DPRX: variants seen among roughly 807,000 people sequenced by gnomAD.
DPRX encodes the protein divergent paired-related homeobox.
DPRX carries 11 observed loss-of-function variants against 8.4 expected under a neutral mutation model. That is an observed-to-expected ratio of 1.31 (90% CI 0.82 to 2.17). The LOEUF (loss-of-function observed/expected upper bound fraction) is 2.17. Among genes scored for constraint, DPRX ranks in the 30% most tolerant of loss-of-function variants. The probability of loss-of-function intolerance (pLI) is 0.00; values close to 1 mark genes in which losing one functional copy is unlikely to be tolerated. For synonymous variants in DPRX, 72 were observed against 87.0 expected, an observed-to-expected ratio of 0.83 and a Z score of 0.96; for missense variants, 211 against 236.7, an observed-to-expected ratio of 0.89 and a Z score of 0.71.
At chr19:53,619,755 A>G in the DPRX span, among the ~76,000 whole-genome samples, 1 of 150,264 alleles carries the variant, frequency 6.7e-6, no homozygotes, top group African/African-American at 2.4e-5. Context: ...CTCAGGAGGC[A>G]AAGGCAGGAG....
chr19:53,633,157 A>G (rs959811195), intron 1 of DPRX, among the ~76,000 whole-genome samples: 1 of 152,078 alleles, frequency 6.6e-6, no homozygotes, highest in East Asian at 1.9e-4. Context: ...TTAGCCGGGC[A>G]TGTCAGTGTT....
upstream of DPRX, chr19:53,632,016 GT>G: frequency 6.4e-7 from 1 of 1,574,096 alleles, no homozygotes; most frequent in African/African-American, 1.3e-5. Context: ...GGAGTCGGGT[GT>G]GGCTGTGGAG....
At chr19:53,625,193 G>A in the DPRX span, among the ~76,000 whole-genome samples, 4,832 of 151,196 alleles carry the variant, frequency 0.032, 115 homozygotes, top group South Asian at 0.049. Flanking sequence ...TAGGACTATA[G>A]GTGCATGCCT....
chr19:53,603,019 A>G, the DPRX span, among the ~76,000 whole-genome samples: 33,655 of 147,456 alleles, frequency 0.23, 3,839 homozygotes, highest in South Asian at 0.33. Flanking sequence ...GTGTGTGTGT[A>G]TATATGTGTG....
At chr19:53,617,875 C>T in the DPRX span, among the ~76,000 whole-genome samples, 2 of 151,972 alleles carry the variant, frequency 1.3e-5, no homozygotes, top group Non-Finnish European at 2.9e-5. Context: ...CGCGGTGGCT[C>T]ACTTCTGTAG....
the DPRX span, among the ~76,000 whole-genome samples, chr19:53,623,310 A>AAAAAAAATAAATAAAT: frequency 9.7e-5 from 13 of 134,020 alleles, no homozygotes; most frequent in African/African-American, 2.5e-4. Context: ...CTGTCTCAAA[A>AAAAAAAATAAATAAAT]AAATAAATAA....
At chr19:53,615,073 C>T in the DPRX span, among the ~76,000 whole-genome samples, 13 of 151,416 alleles carry the variant, frequency 8.6e-5, no homozygotes, top group Non-Finnish European at 1.8e-4. Context: ...TTTTTTTAGA[C>T]GGATTCTTCC....
At chr19:53,611,819 C>T in the DPRX span, among the ~76,000 whole-genome samples, 20,280 of 152,148 alleles carry the variant, frequency 0.13, 1,501 homozygotes, top group South Asian at 0.24. Context: ...CGCAGTGGCT[C>T]ACGCCTGGAA....
the DPRX span, among the ~76,000 whole-genome samples, chr19:53,619,804 G>A: frequency 1.4e-5 from 2 of 146,628 alleles, no homozygotes; most frequent in Non-Finnish European, 3.0e-5. Context: ...GCAGTGAGCC[G>A]AGATCATGCC....
chr19:53,626,785 G>A, the DPRX span, among the ~76,000 whole-genome samples: 4,524 of 152,172 alleles, frequency 0.03, 112 homozygotes, highest in Non-Finnish European at 0.046. Context: ...TGTAGCCTCC[G>A]CCTCCAGGGT....
chr19:53,636,827 G>A (rs2091114771), exon 3 of DPRX: 1 of 1,613,944 alleles, frequency 6.2e-7, no homozygotes, highest in Admixed American at 1.7e-5. Flanking sequence ...CAACCTCAAG[G>A]TCCCTGCAAA....
upstream of DPRX, among the ~76,000 whole-genome samples, chr19:53,630,874 C>A (rs561485879): frequency 6.6e-6 from 1 of 151,538 alleles, no homozygotes; most frequent in African/African-American, 2.4e-5. Flanking sequence ...GAGATGGAGT[C>A]TCACTCCTGT....
At chr19:53,619,675 CAAAAAAA>C in the DPRX span, among the ~76,000 whole-genome samples, 1 of 83,986 alleles carries the variant, frequency 1.2e-5, no homozygotes, top group Non-Finnish European at 2.5e-5. Flanking sequence ...AACTTCATCT[CAAAAAAA>C]AAAAAAACAA....
the DPRX span, among the ~76,000 whole-genome samples, chr19:53,602,783 C>T: frequency 1.5e-3 from 226 of 151,662 alleles, 1 homozygote; most frequent in African/African-American, 5.1e-3. Context: ...TCCACTCCCC[C>T]CCGGCACCCG....
intron 2 of DPRX, among the ~76,000 whole-genome samples, chr19:53,636,366 A>C (rs2091111979): frequency 6.6e-6 from 1 of 151,510 alleles, no homozygotes; most frequent in Admixed American, 6.6e-5. Context: ...ACTCCATCTC[A>C]AAAATAAAAT....
At chr19:53,616,864 A>C in the DPRX span, 6 of 1,593,320 alleles carry the variant, frequency 3.8e-6, no homozygotes, top group Non-Finnish European at 4.3e-6. Context: ...GAAGCTGAAG[A>C]AGCCGCCCTG....
chr19:53,620,609 TCTGC>T, the DPRX span, among the ~76,000 whole-genome samples: 1 of 148,568 alleles, frequency 6.7e-6, no homozygotes, highest in East Asian at 2.0e-4. Flanking sequence ...AAGTGATCTG[TCTGC>T]CTTGGCCTCC....
chr19:53,616,770 A>T, the DPRX span: 1 of 1,515,732 alleles, frequency 6.6e-7, no homozygotes, highest in Non-Finnish European at 9.0e-7. Context: ...ATAAGAAAAA[A>T]TAGAGGCCGA....
intron 2 of DPRX, among the ~76,000 whole-genome samples, chr19:53,635,931 C>T (rs1188159293): frequency 6.6e-6 from 1 of 152,046 alleles, no homozygotes; most frequent in Non-Finnish European, 1.5e-5. Context: ...GTTTTCTGAC[C>T]CCTGTCTCAA....
Sources: allele counts gnomAD v4.1 joint callset (sites outside exome capture counted in the v4.1 genomes callset), GRCh38; gene constraint gnomAD v4.1.1; transcripts MANE v1.5; gene names NCBI Gene and HGNC (gene_info 2026-07-23, HGNC 2026-07-21).